SGCD: variants seen among roughly 807,000 people sequenced by gnomAD.
SGCD encodes delta-sarcoglycan.
SGCD carries 18 observed loss-of-function variants against 36.6 expected under a neutral mutation model. The ratio of observed to expected loss-of-function variants is 0.49; its 90% CI spans 0.34 to 0.73. The LOEUF (loss-of-function observed/expected upper bound fraction) is 0.73, where lower values mean the gene tolerates loss of function less well. Ranked by LOEUF, SGCD falls within the 30% of genes least tolerant of loss-of-function variation. The pLI is 0.01. For synonymous variants in SGCD, 133 were observed against 130.6 expected (o/e 1.02, Z -0.12); for missense variants, 387 against 346.7 (o/e 1.12, Z -0.92).
intron 3 of SGCD, among the ~76,000 whole-genome samples, chr5:156,396,945 T>G (rs1425122844): frequency 6.6e-6 from 1 of 152,186 alleles, no homozygotes; most frequent in Non-Finnish European, 1.5e-5. Flanking sequence ...CACTAGCCAT[T>G]AGGTCCTACT....
chr5:156,757,078 G>A (rs918562828), intron 7 of SGCD, among the ~76,000 whole-genome samples: 1 of 151,932 alleles, frequency 6.6e-6, no homozygotes, highest in Non-Finnish European at 1.5e-5. Flanking sequence ...GGTAAAGAAA[G>A]ACTTACCCAT....
intron 4 of SGCD, among the ~76,000 whole-genome samples, chr5:156,555,557 C>T (rs1033147209): frequency 2.6e-5 from 4 of 152,090 alleles, no homozygotes; most frequent in African/African-American, 9.7e-5. Flanking sequence ...GCTGAATCCT[C>T]AATTTTATTC....
intron 1 of SGCD, among the ~76,000 whole-genome samples, chr5:155,908,146 A>G (rs1756561207): frequency 6.6e-6 from 1 of 152,160 alleles, no homozygotes; most frequent in South Asian, 2.1e-4. Flanking sequence ...TACATATATT[A>G]AGACAGAATG....
intron 7 of SGCD, among the ~76,000 whole-genome samples, chr5:156,697,750 C>T (rs867926004): frequency 6.0e-5 from 9 of 149,162 alleles, no homozygotes; most frequent in East Asian, 4.0e-4. Context: ...GATGGACGGA[C>T]GGATGGATGG....
chr5:155,762,381 C>A, the SGCD span, among the ~76,000 whole-genome samples: 89 of 152,190 alleles, frequency 5.8e-4, 5 homozygotes, highest in Non-Finnish European at 1.0e-4. Flanking sequence ...TGCTAACCAC[C>A]TTGGAAAACA....
the SGCD span, among the ~76,000 whole-genome samples, chr5:155,819,048 A>C: frequency 6.6e-6 from 1 of 152,174 alleles, no homozygotes. Context: ...GTGTCATGAA[A>C]CTGGATTATA....
intron 3 of SGCD, among the ~76,000 whole-genome samples, chr5:156,250,114 C>CT (rs1438010096): frequency 1.3e-5 from 2 of 152,158 alleles, no homozygotes; most frequent in East Asian, 3.9e-4. Context: ...CACTTTCCTG[C>CT]TTGGGTATTC....
chr5:155,899,835 C>T lies in SGCD; in HGVS notation c.-282+29411C>T, dbSNP rs1046249211. On this transcript the variant is annotated intron_variant, in intron 1 of 9. Coordinates refer to the SGCD transcript ENST00000517913. Reference sequence around the variant, plus strand: ...AATACAAAGAGAATAAAGTTTTAGACGCTTTGGAAATTCCCATTTGCAGAC... The same window carrying T: ...AATACAAAGAGAATAAAGTTTTAGATGCTTTGGAAATTCCCATTTGCAGAC... 5.3e-5 allele frequency among the ~76,000 whole-genome samples: 8 copies of T among 152,236 alleles called. 1 individual carries two copies. The South Asian group carries it at 8.3e-4, about 16-fold the overall frequency.
At chr5:156,725,557 A>G (rs1180694547) in intron 7 of SGCD, among the ~76,000 whole-genome samples, 2 of 152,184 alleles carry the variant, frequency 1.3e-5, no homozygotes, top group African/African-American at 4.8e-5. Flanking sequence ...TGTAAGACAG[A>G]TGATCCCTTT....
chr5:155,911,319 G>GTGTGTATATA (rs145927722), intron 1 of SGCD, among the ~76,000 whole-genome samples: 1 of 141,380 alleles, frequency 7.1e-6, no homozygotes, highest in Non-Finnish European at 1.5e-5. Flanking sequence ...GTGTGTGTGT[G>GTGTGTATATA]TATATATATA....
At chr5:156,735,107 GATTTTCCA>G in intron 7 of SGCD, among the ~76,000 whole-genome samples, 1 of 152,300 alleles carries the variant, frequency 6.6e-6, no homozygotes, top group Non-Finnish European at 1.5e-5. Flanking sequence ...AATCACCTCA[GATTTTCCA>G]GTACCTGGAG....
intron 7 of SGCD, among the ~76,000 whole-genome samples, chr5:156,729,080 T>A (rs1251282240): frequency 1.3e-5 from 2 of 152,188 alleles, no homozygotes; most frequent in Admixed American, 6.5e-5. Flanking sequence ...TTGAAAAAAA[T>A]TATTTTAATG....
chr5:156,410,209 TAA>T (rs1772666272), intron 3 of SGCD, among the ~76,000 whole-genome samples: 1 of 152,070 alleles, frequency 6.6e-6, no homozygotes, highest in Admixed American at 6.5e-5. Context: ...TACACAGCTG[TAA>T]AAGAGAATGA....
At chr5:156,311,769 C>T (rs1767395324) in intron 3 of SGCD, among the ~76,000 whole-genome samples, 2 of 152,132 alleles carry the variant, frequency 1.3e-5, no homozygotes, top group East Asian at 1.9e-4. Context: ...TTGGAAAACA[C>T]TCACCTAATA....
intron 1 of SGCD, among the ~76,000 whole-genome samples, chr5:155,890,242 A>C (rs17617422): frequency 6.6e-6 from 1 of 152,062 alleles, no homozygotes; most frequent in African/African-American, 2.4e-5. Flanking sequence ...TTATTGGTGT[A>C]GATTGTTTGG....
At chr5:156,336,936 C>T (rs2127709976) in intron 2 of SGCD, among the ~76,000 whole-genome samples, 1 of 152,262 alleles carries the variant, frequency 6.6e-6, no homozygotes, top group Admixed American at 6.5e-5. Context: ...AACTGCCATT[C>T]CTGGGCTAGT....
At chr5:155,899,423 G>A (rs539176070) in intron 1 of SGCD, among the ~76,000 whole-genome samples, 29 of 152,260 alleles carry the variant, frequency 1.9e-4, no homozygotes, top group African/African-American at 6.5e-4. Context: ...ACATGAAAGA[G>A]CATTGTTTCA....
intron 1 of SGCD, among the ~76,000 whole-genome samples, chr5:155,968,497 C>T (rs1259236225): frequency 1.3e-5 from 2 of 152,034 alleles, no homozygotes; most frequent in Non-Finnish European, 2.9e-5. Flanking sequence ...GAAAGACCAC[C>T]CCATGCATAT....
intron 7 of SGCD, among the ~76,000 whole-genome samples, chr5:156,705,521 A>G (rs1351603626): frequency 6.6e-6 from 1 of 152,180 alleles, no homozygotes; most frequent in African/African-American, 2.4e-5. Flanking sequence ...TGTTATTATG[A>G]CATAACAACC....
Sources: allele counts gnomAD v4.1 joint callset (sites outside exome capture counted in the v4.1 genomes callset), GRCh38; gene constraint gnomAD v4.1.1; transcripts MANE v1.5; gene names NCBI Gene and HGNC (gene_info 2026-07-23, HGNC 2026-07-21).